CDH18: variants seen among roughly 807,000 people sequenced by gnomAD.
The protein encoded by CDH18 is cadherin 18, also known as cadherin-18.
In CDH18, 31 loss-of-function variants were observed where a neutral mutation model predicts 67.9. The ratio of observed to expected loss-of-function variants is 0.46; its 90% CI spans 0.34 to 0.62. The LOEUF (loss-of-function observed/expected upper bound fraction) is 0.62. CDH18 is among the 20% of genes least tolerant of loss of function. The pLI, the probability that CDH18 is intolerant of heterozygous loss-of-function variation, is 0.01. For synonymous variants in CDH18, 362 were observed against 347.2 expected, an observed-to-expected ratio of 1.04 and a Z score of -0.48; for missense variants, 890 against 975.5, an observed-to-expected ratio of 0.91 and a Z score of 1.17.
Position 20,039,941 on chromosome 5 carries a change from C to T in CDH18, c.-517-47927G>A, listed in dbSNP as rs138110763. 0.018 allele frequency among the ~76,000 whole-genome samples: 2,665 copies of T among 152,218 alleles called. 170 individuals are homozygous for T. The East Asian group carries it at 0.25, about 14-fold the overall frequency. On this transcript the variant is annotated intron_variant, in intron 2 of 14. Coordinates refer to the CDH18 transcript ENST00000507958. ...CAGAATGGGAAAAAATTTTTGCAAT[C>T]TATCCATCTGACAAAGGGCTAATAT...
intron 2 of CDH18, among the ~76,000 whole-genome samples, chr5:20,150,594 G>A (rs1369175757): frequency 1.3e-5 from 2 of 151,968 alleles, no homozygotes; most frequent in Non-Finnish European, 2.9e-5. Context: ...TAACTTAGGT[G>A]GCAGTTACAA....
At chr5:20,442,906 A>G (rs1749711580) in intron 1 of CDH18, among the ~76,000 whole-genome samples, 1 of 151,902 alleles carries the variant, frequency 6.6e-6, no homozygotes, top group Non-Finnish European at 1.5e-5. Context: ...CTACTTCACA[A>G]GTTAATACAA....
intron 5 of CDH18, among the ~76,000 whole-genome samples, chr5:19,665,445 A>G (rs1188861061): frequency 6.6e-6 from 1 of 152,098 alleles, no homozygotes; most frequent in African/African-American, 2.4e-5. Flanking sequence ...AAACTGAAAG[A>G]CAACTGGTAG....
chr5:20,168,835 T>G (rs1010361394), intron 2 of CDH18, among the ~76,000 whole-genome samples: 46 of 152,156 alleles, frequency 3.0e-4, no homozygotes, highest in African/African-American at 1.1e-3. Context: ...TCTTATCACT[T>G]GCAGCAACAT....
chr5:20,200,121 C>A (rs543936112), intron 2 of CDH18, among the ~76,000 whole-genome samples: 1 of 152,172 alleles, frequency 6.6e-6, no homozygotes, highest in African/African-American at 2.4e-5. Flanking sequence ...TCATTAAATC[C>A]GATAATTATT....
chr5:20,005,859 C>T (rs1453414640), intron 2 of CDH18, among the ~76,000 whole-genome samples: 3 of 151,944 alleles, frequency 2.0e-5, no homozygotes, highest in South Asian at 2.1e-4. Flanking sequence ...TATTTAACTA[C>T]GTTTCATGGA....
intron 5 of CDH18, among the ~76,000 whole-genome samples, chr5:19,628,969 G>A (rs1751997220): frequency 6.6e-6 from 1 of 151,966 alleles, no homozygotes. Flanking sequence ...AAACCAACCA[G>A]TATTTCAAGG....
At chr5:20,376,162 C>T (rs868551127) in intron 1 of CDH18, among the ~76,000 whole-genome samples, 1 of 128,248 alleles carries the variant, frequency 7.8e-6, no homozygotes, top group African/African-American at 2.9e-5. Flanking sequence ...GGCGCGATCT[C>T]GGCTCACTGC....
chr5:19,717,649 T>A (rs954087492), intron 5 of CDH18, among the ~76,000 whole-genome samples: 4 of 152,090 alleles, frequency 2.6e-5, no homozygotes, highest in Non-Finnish European at 5.9e-5. Flanking sequence ...ATTTGAGTTG[T>A]GCTAATAAAC....
chr5:19,626,369 C>T (rs536373363), intron 5 of CDH18, among the ~76,000 whole-genome samples: 18 of 152,242 alleles, frequency 1.2e-4, no homozygotes, highest in South Asian at 4.2e-4. Context: ...AAGAACACAA[C>T]GCCAGAGAAA....
At chr5:20,408,910 C>T (rs1162834884) in intron 1 of CDH18, among the ~76,000 whole-genome samples, 1 of 151,464 alleles carries the variant, frequency 6.6e-6, no homozygotes, top group Non-Finnish European at 1.5e-5. Context: ...ACAAAGAAAG[C>T]TAGGAATACT....
At chr5:20,172,203 T>TATATATAC (rs1736802246) in intron 2 of CDH18, among the ~76,000 whole-genome samples, 1 of 58,336 alleles carries the variant, frequency 1.7e-5, no homozygotes, top group South Asian at 5.9e-4. Flanking sequence ...TATATATATA[T>TATATATAC]ATATATATAT....
At chr5:19,954,806 G>A (rs982112363) in intron 2 of CDH18, among the ~76,000 whole-genome samples, 20 of 150,936 alleles carry the variant, frequency 1.3e-4, no homozygotes, top group Non-Finnish European at 2.1e-4. Flanking sequence ...TCAAACTTAC[G>A]TCAACCCAAA....
intron 5 of CDH18, among the ~76,000 whole-genome samples, chr5:19,710,977 A>C (rs1015086680): frequency 6.6e-6 from 1 of 152,126 alleles, no homozygotes; most frequent in Non-Finnish European, 1.5e-5. Context: ...TCTTTTAAAA[A>C]ACCAACAAAA....
chr5:20,107,534 AC>A (rs1747066634), intron 2 of CDH18, among the ~76,000 whole-genome samples: 2 of 152,152 alleles, frequency 1.3e-5, no homozygotes, highest in South Asian at 4.1e-4. Flanking sequence ...AACTGCCATA[AC>A]AAATTTTCTA....
At chr5:20,323,581 A>T (rs923448619) in intron 1 of CDH18, among the ~76,000 whole-genome samples, 3 of 152,244 alleles carry the variant, frequency 2.0e-5, no homozygotes, top group African/African-American at 7.2e-5. Flanking sequence ...CAGTTTAAAT[A>T]GAAAATCATG....
At chr5:20,149,112 T>C (rs1053366650) in intron 2 of CDH18, among the ~76,000 whole-genome samples, 2 of 152,188 alleles carry the variant, frequency 1.3e-5, no homozygotes, top group Non-Finnish European at 2.9e-5. Context: ...ATTCCCTCCA[T>C]TCTCTTGCTT....
chr5:20,017,306 C>T (rs1737960299), intron 2 of CDH18, among the ~76,000 whole-genome samples: 1 of 152,022 alleles, frequency 6.6e-6, no homozygotes, highest in East Asian at 1.9e-4. Context: ...AAGTCCCTTC[C>T]AAATTCTATT....
intron 11 of CDH18, among the ~76,000 whole-genome samples, chr5:19,493,336 C>A (rs1741773578): frequency 6.6e-6 from 1 of 151,972 alleles, no homozygotes; most frequent in Non-Finnish European, 1.5e-5. Context: ...TGCTGTATAC[C>A]CAGCAGACAG....
Sources: allele counts gnomAD v4.1 joint callset (sites outside exome capture counted in the v4.1 genomes callset), GRCh38; gene constraint gnomAD v4.1.1; transcripts MANE v1.5; gene names NCBI Gene and HGNC (gene_info 2026-07-23, HGNC 2026-07-21).